CAMTA1: variants seen among roughly 807,000 people sequenced by gnomAD.
CAMTA1 encodes calmodulin binding transcription activator 1, also known as calmodulin-binding transcription activator 1.
Under a neutral mutation model 170.9 loss-of-function variants are expected in CAMTA1, and 27 were observed. That is an observed-to-expected ratio of 0.16 (90% confidence interval 0.12 to 0.22). The LOEUF is 0.22. Among genes scored for constraint, CAMTA1 ranks in the 10% least tolerant of loss-of-function variants. CAMTA1 has a pLI of 1.00. For synonymous variants in CAMTA1, 833 were observed against 891.5 expected (o/e 0.93, Z 1.17); for missense variants, 1,619 against 2,217.2 (o/e 0.73, Z 5.42).
At chr1:7,182,835 T>G (rs1355559011) in intron 4 of CAMTA1, among the ~76,000 whole-genome samples, 1 of 152,150 alleles carries the variant, frequency 6.6e-6, no homozygotes, top group African/African-American at 2.4e-5. Flanking sequence ...AACGAAAAGA[T>G]GTTCAACATC....
chr1:7,492,744 C>CGT (rs1557805000), intron 6 of CAMTA1, among the ~76,000 whole-genome samples: 16 of 90,484 alleles, frequency 1.8e-4, no homozygotes, highest in South Asian at 3.9e-4. Flanking sequence ...TACACACACG[C>CGT]GCGCACACAC....
chr1:7,109,422 T>A (rs1330147510), intron 4 of CAMTA1, among the ~76,000 whole-genome samples: 4 of 152,210 alleles, frequency 2.6e-5, no homozygotes, highest in Admixed American at 6.5e-5. Context: ...AAAGCATTCT[T>A]GCCTTTCTGG....
At chr1:7,628,085 G>A (rs1216307757) in intron 6 of CAMTA1, among the ~76,000 whole-genome samples, 4 of 152,230 alleles carry the variant, frequency 2.6e-5, no homozygotes, top group Non-Finnish European at 4.4e-5. Context: ...TTGCTGAAAA[G>A]TCTTGAGATG....
intron 1 of CAMTA1, among the ~76,000 whole-genome samples, chr1:6,807,278 A>C (rs924313682): frequency 6.6e-6 from 1 of 152,222 alleles, no homozygotes; most frequent in Non-Finnish European, 1.5e-5. Context: ...CTTTTGGGAA[A>C]GAGTATCTGA....
At chr1:6,935,879 G>T (rs114357012) in intron 3 of CAMTA1, among the ~76,000 whole-genome samples, 4 of 152,160 alleles carry the variant, frequency 2.6e-5, no homozygotes, top group Non-Finnish European at 2.9e-5. Flanking sequence ...TGGAGACCCC[G>T]CAGAGTCTGG....
chr1:7,166,913 T>A (rs1413668711), intron 4 of CAMTA1, among the ~76,000 whole-genome samples: 1 of 151,876 alleles, frequency 6.6e-6, no homozygotes, highest in South Asian at 2.1e-4. Flanking sequence ...TGGGTTCAAG[T>A]GATTCTCTTA....
chr1:7,765,981 G>C (rs1027431639), intron 22 of CAMTA1, among the ~76,000 whole-genome samples: 7 of 150,458 alleles, frequency 4.7e-5, no homozygotes, highest in African/African-American at 1.5e-4. Context: ...GAGCCGAGAT[G>C]GTGCCACTGC....
intron 5 of CAMTA1, among the ~76,000 whole-genome samples, chr1:7,304,222 A>G (rs961210100): frequency 2.0e-5 from 3 of 152,214 alleles, no homozygotes; most frequent in Non-Finnish European, 4.4e-5. Flanking sequence ...GGGAAATTTC[A>G]TGTTATGTAC....
intron 5 of CAMTA1, among the ~76,000 whole-genome samples, chr1:7,449,304 T>C (rs1310893467): frequency 6.6e-6 from 1 of 152,224 alleles, no homozygotes; most frequent in Non-Finnish European, 1.5e-5. Context: ...GCAACATTTT[T>C]CTGACACGAG....
chr1:7,112,463 C>T (rs1644118175), intron 4 of CAMTA1, among the ~76,000 whole-genome samples: 1 of 152,216 alleles, frequency 6.6e-6, no homozygotes, highest in Non-Finnish European at 1.5e-5. Flanking sequence ...GGATGAAGCA[C>T]TAAATGAGCT....
chr1:7,363,730 G>C (rs1348342772), intron 5 of CAMTA1, among the ~76,000 whole-genome samples: 8 of 152,170 alleles, frequency 5.3e-5, no homozygotes, highest in Admixed American at 5.2e-4. Flanking sequence ...GCTGTGATGA[G>C]GCTTGGCTGA....
chr1:6,808,665 A>G (rs1644812599), intron 1 of CAMTA1, among the ~76,000 whole-genome samples: 1 of 152,060 alleles, frequency 6.6e-6, no homozygotes, highest in South Asian at 2.1e-4. Context: ...TTCTCTCTCA[A>G]TTAGATGTGC....
intron 5 of CAMTA1, among the ~76,000 whole-genome samples, chr1:7,446,478 G>A (rs938397073): frequency 5.3e-5 from 8 of 152,292 alleles, no homozygotes; most frequent in Admixed American, 1.3e-4. Flanking sequence ...TCCTGCTTAC[G>A]AGAGGGAGGC....
rs141767546 is a variant in CAMTA1, at chr1:7,305,802, A to G, written c.438+56176A>G. On this transcript the variant is annotated intron_variant, in intron 5 of 22. Transcript: ENST00000303635. ...ATGTTTAACATTGTAAGAAATTGTC[A>G]ACACATTTTTATTATTTTGATTTTG... Among the ~76,000 whole-genome samples the G allele has an allele frequency of 5.4e-3, 828 of 152,164 alleles. 6 individuals carry two copies. Among genetic ancestry groups the G allele is most frequent in the African/African-American group, 0.018 (734 of 41,562 alleles).
chr1:6,939,093 T>G (rs1009349977), intron 3 of CAMTA1, among the ~76,000 whole-genome samples: 3 of 152,202 alleles, frequency 2.0e-5, no homozygotes, highest in Non-Finnish European at 4.4e-5. Context: ...CCCATAGGGC[T>G]GGCCCACACA....
At chr1:7,365,194 G>T (rs1430679547) in intron 5 of CAMTA1, among the ~76,000 whole-genome samples, 2 of 149,968 alleles carry the variant, frequency 1.3e-5, no homozygotes, top group Admixed American at 6.7e-5. Context: ...TCCAGCCTCT[G>T]TCTGGAGGCC....
chr1:7,517,398 C>T (rs1170599752), intron 6 of CAMTA1, among the ~76,000 whole-genome samples: 1 of 152,102 alleles, frequency 6.6e-6, no homozygotes, highest in African/African-American at 2.4e-5. Flanking sequence ...AAAGCTGTTC[C>T]CCAACCTGTG....
At chr1:7,704,357 G>C (rs2096480964) in intron 11 of CAMTA1, among the ~76,000 whole-genome samples, 2 of 146,066 alleles carry the variant, frequency 1.4e-5, no homozygotes, top group Non-Finnish European at 3.0e-5. Context: ...CGCAGCCGTC[G>C]GGCTCCGAGC....
chr1:7,508,829 T>C (rs2094159387), intron 6 of CAMTA1, among the ~76,000 whole-genome samples: 1 of 152,192 alleles, frequency 6.6e-6, no homozygotes, highest in Non-Finnish European at 1.5e-5. Flanking sequence ...CACACCCACT[T>C]AGCCTGTCTG....
Sources: allele counts gnomAD v4.1 joint callset (sites outside exome capture counted in the v4.1 genomes callset), GRCh38; gene constraint gnomAD v4.1.1; transcripts MANE v1.5; gene names NCBI Gene and HGNC (gene_info 2026-07-23, HGNC 2026-07-21).